ASCL5: variants seen among roughly 807,000 people sequenced by gnomAD.
ASCL5 encodes achaete-scute homolog 5.
For synonymous variants in ASCL5, 124 were observed against 131.5 expected (o/e 0.94, Z 0.39); for missense variants, 262 against 268.9 (o/e 0.97, Z 0.18).
At chr1:201,126,298 A>T (rs1005596838) in intron 1 of ASCL5, among the ~76,000 whole-genome samples, 1 of 152,042 alleles carries the variant, frequency 6.6e-6, no homozygotes, top group East Asian at 1.9e-4. Context: ...GTTGTTAAAA[A>T]TTTTTTTGTA....
chr1:201,121,378 G>C (rs1383899316), intron 1 of ASCL5, among the ~76,000 whole-genome samples: 1 of 152,144 alleles, frequency 6.6e-6, no homozygotes, highest in Admixed American at 6.5e-5. Context: ...AGGCCGAGGT[G>C]GGGGGATCGC....
Position 201,115,072 on chromosome 1 carries a change from C to G in ASCL5, c.301G>C (p.Glu101Gln), listed in dbSNP as rs922545647. The G allele has an allele frequency of 2.0e-5, 25 of 1,231,998 alleles. No individual in the cohort carries two copies. In the East Asian group the frequency reaches 4.7e-4, roughly 23 times the overall value. The allele number at this position is 1,231,998 out of a possible 1,614,324, so 76.3% of individuals were successfully genotyped here. ...RERQRVKCVN[E>Q]GYARLRGHLP... ...TGGCCGCGGAGGCGAGCGTAGCCCT[C>G]GTTGACGCACTTGACTCGCTGCCTC... Residue 101 changes from glutamate (E) to glutamine (Q), a missense_variant, in exon 2 of 2, where the codon GAG (glutamate) becomes CAG (glutamine). By Grantham distance (29) the Glu-to-Gln change is conservative (BLOSUM62 2). Coordinates refer to ENST00000449188, the MANE Select transcript of ASCL5 (RefSeq NM_001270601.2).
chr1:201,122,322 A>G (rs1207137442), intron 1 of ASCL5, among the ~76,000 whole-genome samples: 1 of 152,196 alleles, frequency 6.6e-6, no homozygotes, highest in South Asian at 2.1e-4. Flanking sequence ...GAGCTTTGAC[A>G]TGGGCTGACC....
chr1:201,126,794 C>T (rs1275110998), intron 1 of ASCL5, among the ~76,000 whole-genome samples: 27 of 152,312 alleles, frequency 1.8e-4, no homozygotes, highest in Non-Finnish European at 1.5e-5. Flanking sequence ...AGCTCTCCTC[C>T]TGCCTAGACC....
At position 201,114,971 on chromosome 1, in the gene ASCL5, G is replaced by A. The variant is rs1427402776; in HGVS notation, c.402C>T (p.Tyr134=). The change falls in exon 2 of 2, where the codon TAC becomes TAT. Residue 134 remains tyrosine (Y), a synonymous_variant. Transcript: ENST00000449188. ...TLRAAIRYIK[Y]LQELLSSAPD... The stretch of plus-strand genomic sequence containing the variant: ...GGGCCGAGCTCAGCAGCTCTTGCAG[G>A]TACTTTATGTAGCGGATGGCGGCGC... 6.5e-6 allele frequency: 8 copies of A among 1,231,476 alleles called. No individual in the cohort carries two copies. The highest frequency in any genetic ancestry group is 4.1e-5 in the South Asian group (1 of 24,334). 76.3% of individuals were successfully genotyped at this position (1,231,476 alleles called of 1,614,324 possible).
intron 1 of ASCL5, among the ~76,000 whole-genome samples, chr1:201,124,976 C>A (rs1293011880): frequency 6.6e-6 from 1 of 152,220 alleles, no homozygotes; most frequent in Non-Finnish European, 1.5e-5. Context: ...ATTCTCCAAC[C>A]TGTCTCATGC....
chr1:201,126,101 T>A (rs575661971), intron 1 of ASCL5, among the ~76,000 whole-genome samples: 1 of 152,238 alleles, frequency 6.6e-6, no homozygotes, highest in South Asian at 2.1e-4. Context: ...ATTTATTTAT[T>A]TAATCTCTTC....
Position 201,114,252 on chromosome 1 carries a change from C to G in ASCL5, c.*500G>C, listed in dbSNP as rs1368234410. The G allele has an allele frequency of 6.6e-6, 1 of 152,554 alleles. No homozygotes were observed. Among genetic ancestry groups the G allele is most frequent in the East Asian group, 1.9e-4 (1 of 5,190 alleles). 9.5% of individuals were successfully genotyped at this position (152,554 alleles called of 1,614,324 possible). ...GCCTCCCATCCCTTCCTCTGGGTTC[C>G]TTTCTCGAGGAGTAAGCGTGCTCCC... is the stretch of plus-strand genomic sequence containing the variant. On this transcript the variant is annotated 3_prime_UTR_variant, in exon 2 of 2. Coordinates refer to ENST00000449188, the MANE Select transcript of ASCL5 (RefSeq NM_001270601.2).
At chr1:201,120,694 C>T (rs1405618639) in intron 1 of ASCL5, among the ~76,000 whole-genome samples, 3 of 152,174 alleles carry the variant, frequency 2.0e-5, no homozygotes, top group African/African-American at 7.2e-5. Flanking sequence ...TCAGGCTTTC[C>T]TCATTGTCTT....
intron 1 of ASCL5, among the ~76,000 whole-genome samples, chr1:201,121,373 G>A (rs534038866): frequency 5.3e-5 from 8 of 152,290 alleles, no homozygotes; most frequent in South Asian, 2.1e-4. Context: ...TTCGGAGGCC[G>A]AGGTGGGGGG....
intron 1 of ASCL5, among the ~76,000 whole-genome samples, chr1:201,124,673 T>G (rs952854915): frequency 6.6e-6 from 1 of 152,208 alleles, no homozygotes; most frequent in Non-Finnish European, 1.5e-5. Context: ...GGGAAGTGAC[T>G]GCAGCTGCAG....
In ASCL5 at chr1:201,117,788, A is replaced by G. The variant is rs549021967; in HGVS notation, c.-505-1911T>C. Reference sequence around the variant, plus strand: ...TGGCACATTCTCTTTAAGGTTGTGCATTCTATGTCTTCAACCAGAATGTAA... The same window carrying G: ...TGGCACATTCTCTTTAAGGTTGTGCGTTCTATGTCTTCAACCAGAATGTAA... On this transcript the variant is annotated intron_variant, in intron 1 of 1. Transcript: ENST00000449188. Among the ~76,000 whole-genome samples, 385 of 152,350 alleles carry G rather than the reference A, an allele frequency of 2.5e-3. 3 individuals carry two copies. Among genetic ancestry groups the G allele is most frequent in the Middle Eastern group, 0.017 (5 of 294 alleles).
chr1:201,124,351 C>T (rs995122142), intron 1 of ASCL5, among the ~76,000 whole-genome samples: 3 of 152,166 alleles, frequency 2.0e-5, no homozygotes, highest in Non-Finnish European at 2.9e-5. Context: ...TGCTGCCTGC[C>T]AGCCTCTGCC....
intron 1 of ASCL5, among the ~76,000 whole-genome samples, chr1:201,122,628 C>A (rs1027956634): frequency 2.0e-5 from 3 of 152,126 alleles, no homozygotes; most frequent in African/African-American, 7.2e-5. Context: ...GGGCAGCGGT[C>A]CCCACCTTTT....
At chr1:201,122,040 G>A (rs1663472737) in intron 1 of ASCL5, among the ~76,000 whole-genome samples, 2 of 152,190 alleles carry the variant, frequency 1.3e-5, no homozygotes, top group Admixed American at 1.3e-4. Context: ...TGGGAGAAGG[G>A]GCAGCCAGGC....
rs1347022971 is a variant in ASCL5 at position 201,114,500 on chromosome 1, A to C, written c.*252T>G. 1 of 333,976 alleles carries C rather than the reference A, an allele frequency of 3.0e-6. No individual in the cohort carries two copies. Among genetic ancestry groups the C allele is most frequent in the African/African-American group, 2.1e-5 (1 of 46,762 alleles). 20.7% of individuals were successfully genotyped at this position (333,976 alleles called of 1,614,324 possible). On this transcript the variant is annotated 3_prime_UTR_variant, in exon 2 of 2. Coordinates refer to ENST00000449188, the MANE Select transcript of ASCL5 (RefSeq NM_001270601.2). ...GGAGGGGACGCAGGACGCCCGGAGC[A>C]GTCCCAGGCCCTGCCCCTCGCTTCA... is the stretch of plus-strand genomic sequence containing the variant.
intron 1 of ASCL5, among the ~76,000 whole-genome samples, chr1:201,124,354 C>A (rs1050383074): frequency 1.3e-5 from 2 of 152,182 alleles, no homozygotes; most frequent in African/African-American, 2.4e-5. Flanking sequence ...TGCCTGCCAG[C>A]CTCTGCCCTC....
At chr1:201,121,896 C>G (rs1308427010) in intron 1 of ASCL5, among the ~76,000 whole-genome samples, 1 of 152,132 alleles carries the variant, frequency 6.6e-6, no homozygotes, top group Non-Finnish European at 1.5e-5. Context: ...CTTGGGGGGT[C>G]TGTCACATAA....
intron 1 of ASCL5, among the ~76,000 whole-genome samples, chr1:201,123,770 G>A (rs528792064): frequency 1.6e-4 from 24 of 152,310 alleles, no homozygotes; most frequent in Middle Eastern, 6.8e-3. Context: ...TCAGGAGCCC[G>A]ACACCTGGAC....
Sources: gnomAD v4.1 joint callset for allele counts (sites outside exome capture counted in the v4.1 genomes callset) on GRCh38, gnomAD v4.1.1 for gene constraint, MANE v1.5 for transcripts, NCBI Gene and HGNC (gene_info 2026-07-23, HGNC 2026-07-21) for gene names.